The following SEMA5A variants were observed in gnomAD, a reference collection of about 807,000 sequenced individuals.
SEMA5A encodes semaphorin 5A.
SEMA5A carries 55 observed loss-of-function variants against 135.5 expected under a neutral mutation model. That is an observed-to-expected ratio of 0.41 (90% confidence interval 0.33 to 0.51). The LOEUF (loss-of-function observed/expected upper bound fraction) is 0.51, where lower values mean the gene tolerates loss of function less well. SEMA5A is among the 20% of genes least tolerant of loss of function. SEMA5A has a pLI of 0.37. For synonymous variants in SEMA5A, 580 were observed against 546.5 expected (o/e 1.06, Z -0.85); for missense variants, 1,290 against 1,419.9 (o/e 0.91, Z 1.47).
At chr5:9,207,184 TTTTG>T (rs1197384555) in intron 8 of SEMA5A, among the ~76,000 whole-genome samples, 3 of 145,344 alleles carry the variant, frequency 2.1e-5, no homozygotes, top group Admixed American at 7.0e-5. Flanking sequence ...TCATACTGAG[TTTTG>T]TTTGTTTGTG....
At chr5:9,160,225 G>C (rs897893042) in intron 11 of SEMA5A, among the ~76,000 whole-genome samples, 1 of 152,076 alleles carries the variant, frequency 6.6e-6, no homozygotes, top group African/African-American at 2.4e-5. Context: ...CTCCTCCATT[G>C]GAAGACTTTG....
chr5:9,259,334 A>T (rs1016748969), intron 5 of SEMA5A, among the ~76,000 whole-genome samples: 8 of 152,174 alleles, frequency 5.3e-5, no homozygotes, highest in Non-Finnish European at 7.3e-5. Context: ...TTAAAAATAA[A>T]ATTTTAGTTT....
At chr5:9,256,236 C>A (rs1749061199) in intron 5 of SEMA5A, among the ~76,000 whole-genome samples, 2 of 152,106 alleles carry the variant, frequency 1.3e-5, no homozygotes, top group Admixed American at 6.6e-5. Context: ...CATTTAGGTA[C>A]CTAAAACACA....
rs192163617 is a variant in SEMA5A, at chr5:9,186,341, T to G, written c.1273+3926A>C. 1.7e-3 allele frequency among the ~76,000 whole-genome samples: 261 copies of G among 152,238 alleles called. 1 individual carries two copies. Among genetic ancestry groups the G allele is most frequent in the African/African-American group, 5.8e-3 (243 of 41,542 alleles). On this transcript the variant is annotated intron_variant, in intron 11 of 22. Coordinates refer to ENST00000382496, the MANE Select transcript of SEMA5A (RefSeq NM_003966.3). ...AGATGAACTACACCAGCAAGAGAAG[T>G]CTAGCTCACATGGATCTGTAGACAA...
rs971822740 is a variant in SEMA5A at position 9,078,621 on chromosome 5, A to T, written c.2074-11975T>A. ...CACACACACACACACAGTCATACAT[A>T]TGCAACAATAAGAAAAACAAAATTT... On this transcript the variant is annotated intron_variant, in intron 16 of 22. Transcript: ENST00000382496. Among the ~76,000 whole-genome samples, 3 of 152,072 alleles carry T rather than the reference A, an allele frequency of 2.0e-5. No individual in the cohort carries two copies. In the South Asian group the frequency reaches 6.2e-4, roughly 32 times the overall value.
chr5:9,124,666 G>A (rs1352627898), intron 13 of SEMA5A, among the ~76,000 whole-genome samples: 3 of 152,174 alleles, frequency 2.0e-5, no homozygotes, highest in African/African-American at 7.2e-5. Flanking sequence ...ATGTTGGCCA[G>A]GCTGGTCTCG....
chr5:9,123,502 G>A (rs867754293), intron 13 of SEMA5A, among the ~76,000 whole-genome samples: 2 of 151,828 alleles, frequency 1.3e-5, no homozygotes, highest in South Asian at 4.1e-4. Flanking sequence ...GGAGGGCTGA[G>A]AAGAGAGGAG....
At chr5:9,124,842 T>C (rs919528795) in intron 13 of SEMA5A, among the ~76,000 whole-genome samples, 3 of 152,192 alleles carry the variant, frequency 2.0e-5, no homozygotes, top group Non-Finnish European at 4.4e-5. Context: ...GTGAACCGCA[T>C]GCTTTCACCT....
chr5:9,439,594 GA>G (rs1758159588), intron 1 of SEMA5A, among the ~76,000 whole-genome samples: 1 of 152,168 alleles, frequency 6.6e-6, no homozygotes, highest in African/African-American at 2.4e-5. Flanking sequence ...CCCTCAGCTG[GA>G]CAGCAAAACC....
intron 3 of SEMA5A, among the ~76,000 whole-genome samples, chr5:9,342,828 A>C (rs890956649): frequency 1.3e-5 from 2 of 152,232 alleles, no homozygotes; most frequent in Non-Finnish European, 2.9e-5. Flanking sequence ...GCATTGTAAG[A>C]GTGAGTGTTG....
intron 6 of SEMA5A, among the ~76,000 whole-genome samples, chr5:9,236,086 C>T (rs1747892058): frequency 6.6e-6 from 1 of 152,046 alleles, no homozygotes; most frequent in African/African-American, 2.4e-5. Context: ...ACAGGGAAGC[C>T]CCACCCCCAC....
At chr5:9,275,924 C>T (rs1750238100) in intron 5 of SEMA5A, among the ~76,000 whole-genome samples, 1 of 152,156 alleles carries the variant, frequency 6.6e-6, no homozygotes, top group Non-Finnish European at 1.5e-5. Context: ...CCTCTCTCAC[C>T]ACTCCAACTC....
chr5:9,242,582 A>T (rs1489501682), intron 5 of SEMA5A, among the ~76,000 whole-genome samples: 1 of 152,164 alleles, frequency 6.6e-6, no homozygotes, highest in Non-Finnish European at 1.5e-5. Context: ...GCAAAGGCAA[A>T]AGAATGATAC....
At chr5:9,171,647 G>A (rs1579536039) in intron 11 of SEMA5A, among the ~76,000 whole-genome samples, 1 of 152,140 alleles carries the variant, frequency 6.6e-6, no homozygotes. Flanking sequence ...TTCTTATTGG[G>A]CAGCAGGAAA....
intron 11 of SEMA5A, among the ~76,000 whole-genome samples, chr5:9,182,052 T>C (rs546756908): frequency 6.6e-6 from 1 of 152,184 alleles, no homozygotes; most frequent in South Asian, 2.1e-4. Context: ...ATTGCACGTT[T>C]CTTCTTACCA....
chr5:9,258,322 C>G (rs1749193021), intron 5 of SEMA5A, among the ~76,000 whole-genome samples: 2 of 152,288 alleles, frequency 1.3e-5, no homozygotes, highest in South Asian at 4.1e-4. Flanking sequence ...CATTGGGTTA[C>G]AAATGAATTG....
intron 18 of SEMA5A, among the ~76,000 whole-genome samples, chr5:9,055,909 T>C (rs1579313375): frequency 6.6e-6 from 1 of 151,772 alleles, no homozygotes; most frequent in African/African-American, 2.4e-5. Context: ...CTCCCATATC[T>C]ATTCTCACTG....
chr5:9,257,259 T>C (rs956151489), intron 5 of SEMA5A, among the ~76,000 whole-genome samples: 3 of 152,200 alleles, frequency 2.0e-5, no homozygotes, highest in Admixed American at 6.5e-5. Context: ...TCTTTACCTA[T>C]CATCTCTATG....
At chr5:9,479,930 A>G (rs1378074162) in intron 1 of SEMA5A, among the ~76,000 whole-genome samples, 2 of 152,222 alleles carry the variant, frequency 1.3e-5, no homozygotes, top group Non-Finnish European at 1.5e-5. Context: ...GGCACTCACA[A>G]AATACTTCTT....
Sources: allele counts gnomAD v4.1 joint callset (sites outside exome capture counted in the v4.1 genomes callset), GRCh38; gene constraint gnomAD v4.1.1; transcripts MANE v1.5; gene names NCBI Gene and HGNC (gene_info 2026-07-23, HGNC 2026-07-21).